CCDC158: variants seen among roughly 807,000 people sequenced by gnomAD.
The protein encoded by CCDC158 is coiled-coil domain containing 158.
A neutral mutation model predicts 138.6 loss-of-function variants in CCDC158; 116 were observed. That is an observed-to-expected ratio of 0.84 (90% CI 0.72 to 0.98). The LOEUF is 0.98. Ranked by LOEUF, CCDC158 falls within the 50% of genes least tolerant of loss-of-function variation. The probability of loss-of-function intolerance (pLI) is 0.00; values close to 1 mark genes in which losing one functional copy is unlikely to be tolerated. For missense variants in CCDC158, 1,265 were observed against 1,306.1 expected (o/e 0.97, Z 0.48); for synonymous variants, 436 against 442.4 (o/e 0.99, Z 0.18).
intron 13 of CCDC158, among the ~76,000 whole-genome samples, chr4:76,358,426 C>A (rs1286857879): frequency 6.6e-6 from 1 of 152,166 alleles, no homozygotes; most frequent in Non-Finnish European, 1.5e-5. Context: ...TACTTACTGA[C>A]ACAGTCCATC....
chr4:76,367,093 C>A (rs868285994), intron 12 of CCDC158, among the ~76,000 whole-genome samples: 1 of 151,932 alleles, frequency 6.6e-6, no homozygotes, highest in East Asian at 1.9e-4. Flanking sequence ...TGATTTTGAG[C>A]CATTTTCGAG....
At chr4:76,399,318 G>A (rs1223178166) in intron 3 of CCDC158, among the ~76,000 whole-genome samples, 1 of 152,136 alleles carries the variant, frequency 6.6e-6, no homozygotes, top group East Asian at 1.9e-4. Flanking sequence ...TTGGGTTGCA[G>A]AAGGAGGGAG....
chr4:76,353,631 G>A (rs1441551985), intron 15 of CCDC158, among the ~76,000 whole-genome samples: 2 of 152,144 alleles, frequency 1.3e-5, no homozygotes, highest in Admixed American at 1.3e-4. Flanking sequence ...AAACAACAGA[G>A]ATTTTTAAAA....
chr4:76,351,186 C>A, intron 17 of CCDC158, 65 bp from the exon 18 acceptor site: 3 of 1,459,878 alleles, frequency 2.1e-6, no homozygotes, highest in South Asian at 1.4e-5. Context: ...AATGTGAAAT[C>A]AAAATGTATT....
At chr4:76,378,583 C>T (rs968188025) in intron 9 of CCDC158, among the ~76,000 whole-genome samples, 8 of 152,096 alleles carry the variant, frequency 5.3e-5, no homozygotes, top group African/African-American at 1.9e-4. Flanking sequence ...CCAGGCAAGC[C>T]GCCTTGGGTG....
chr4:76,353,189 T>C lies in CCDC158; in HGVS notation c.2379A>G (p.Glu793=), dbSNP rs1475333182. ...TEKNKMAGEL[E]VLRSQERRLK... is the part of the protein sequence containing the mutation. ...AACGGCGTTCCTGAGATCGCAGAAC[T>C]TCCAACTCCCCAGCCATCTTGTTTT... The change falls in exon 16 of 25, where the codon GAA becomes GAG. Residue 793 remains glutamate (E), a synonymous_variant. Transcript: ENST00000682701. The C allele has an allele frequency of 6.2e-7, 1 of 1,613,850 alleles. No homozygotes were observed. The highest frequency in any genetic ancestry group is 1.3e-5 in the African/African-American group (1 of 74,922).
At chr4:76,329,108 A>G in intron 21 of CCDC158, 141 bp from the exon 22 acceptor site, 1 of 642,478 alleles carries the variant, frequency 1.6e-6, no homozygotes, top group Non-Finnish European at 2.8e-6. Context: ...CTAAAGTCCT[A>G]AAATACTCTA....
Position 76,325,881 on chromosome 4 carries a change from T to C in CCDC158, c.3145A>G (p.Ile1049Val). Residue 1049 changes from isoleucine to valine, a missense_variant, in exon 23 of 25, where the codon ATT (isoleucine) becomes GTT (valine). Physicochemically the swap from Ile to Val is conservative, Grantham distance 29. Coordinates refer to ENST00000682701, the MANE Select transcript of CCDC158 (RefSeq NM_001394954.1). ...CCTTTAACAGAATCAGATGAATGAA[T>C]AGGTTTGGCAGATCTATACTGTGAT... ...STSQYRSAKP[I>V]HSSDSVKDSQ... is the part of the protein sequence containing the mutation. The C allele has an allele frequency of 6.2e-7, 1 of 1,611,032 alleles. No individual in the cohort carries two copies. Among genetic ancestry groups the C allele is most frequent in the Non-Finnish European group, 8.5e-7 (1 of 1,178,970 alleles).
chr4:76,399,915 G>T (rs986588066), intron 3 of CCDC158, among the ~76,000 whole-genome samples: 2 of 152,140 alleles, frequency 1.3e-5, no homozygotes, highest in African/African-American at 4.8e-5. Flanking sequence ...GAATTAAGAA[G>T]CTGACTCTTC....
chr4:76,330,598 A>G (rs1216620730), intron 21 of CCDC158, among the ~76,000 whole-genome samples: 2 of 152,112 alleles, frequency 1.3e-5, no homozygotes, highest in Non-Finnish European at 2.9e-5. Context: ...ATACTTGGGG[A>G]AAAAAAAGAT....
intron 13 of CCDC158, among the ~76,000 whole-genome samples, chr4:76,357,991 G>GCGCA (rs1553893245): frequency 1.3e-5 from 2 of 148,778 alleles, no homozygotes; most frequent in African/African-American, 5.0e-5. Flanking sequence ...ACACATGTGT[G>GCGCA]CACACACACA....
At chr4:76,371,003 G>T (rs12331106) in intron 10 of CCDC158, among the ~76,000 whole-genome samples, 4,470 of 152,266 alleles carry the variant, frequency 0.029, 220 homozygotes, top group African/African-American at 0.1. Flanking sequence ...AGGACAGAGT[G>T]GCTTCATTAT....
chr4:76,314,317 A>C (rs926713584), intron 24 of CCDC158, among the ~76,000 whole-genome samples: 4 of 152,272 alleles, frequency 2.6e-5, no homozygotes, highest in Admixed American at 2.6e-4. Context: ...GATCAATAAG[A>C]TAATGCATCT....
At chr4:76,388,688 A>T (rs1653175695) in intron 4 of CCDC158, among the ~76,000 whole-genome samples, 1 of 152,114 alleles carries the variant, frequency 6.6e-6, no homozygotes, top group Non-Finnish European at 1.5e-5. Flanking sequence ...AGGACCTTGG[A>T]CAAGACTCAG....
At chr4:76,352,041 G>A (rs2110174078) in intron 16 of CCDC158, 2 of 377,416 alleles carry the variant, frequency 5.3e-6, no homozygotes, top group Non-Finnish European at 9.5e-6. Context: ...GTATGTGAAG[G>A]GCAAACAATG....
rs747003324 is a variant in CCDC158, at chr4:76,353,224, C to A, written c.2344G>T (p.Ala782Ser). 1.1e-5 allele frequency: 17 copies of A among 1,613,430 alleles called. 1 individual carries two copies. In the South Asian group the frequency reaches 1.2e-4, roughly 11 times the overall value. The change falls in exon 16 of 25, where the codon GCC becomes TCC. Residue 782 changes from alanine (A) to serine (S), a missense_variant. Ala to Ser is a moderately conservative substitution (Grantham distance 99, BLOSUM62 1). Transcript: ENST00000682701. The stretch of plus-strand genomic sequence containing the variant: ...CCAGCCATCTTGTTTTTTTCTGTGG[C>A]AACAGTACTCAATTCCTGACTGAGT... Reference protein sequence around the residue: ...SKLSQELSTVATEKNKMAGEL... With the variant: ...SKLSQELSTVSTEKNKMAGEL...
At chr4:76,347,932 G>T (rs61397359) in intron 18 of CCDC158, among the ~76,000 whole-genome samples, 2,312 of 152,086 alleles carry the variant, frequency 0.015, 54 homozygotes, top group African/African-American at 0.052. Flanking sequence ...ACTCTGTTTG[G>T]GTTGTTATAG....
At chr4:76,341,723 T>C (rs990212459) in intron 18 of CCDC158, among the ~76,000 whole-genome samples, 17 of 152,254 alleles carry the variant, frequency 1.1e-4, no homozygotes, top group African/African-American at 4.1e-4. Flanking sequence ...TGTATGTGTG[T>C]ACACACACAA....
chr4:76,319,905 C>T (rs527402071), intron 24 of CCDC158, among the ~76,000 whole-genome samples: 2 of 152,182 alleles, frequency 1.3e-5, no homozygotes, highest in African/African-American at 4.8e-5. Context: ...CCACTTTCAC[C>T]ACTGCTATTC....
Sources: allele counts gnomAD v4.1 joint callset (sites outside exome capture counted in the v4.1 genomes callset), GRCh38; gene constraint gnomAD v4.1.1; transcripts MANE v1.5; gene names NCBI Gene and HGNC (gene_info 2026-07-23, HGNC 2026-07-21).